The following NOTCH4 variants were observed in gnomAD, a reference collection of about 807,000 sequenced individuals.
NOTCH4 encodes neurogenic locus notch homolog protein 4.
NOTCH4 carries 138 observed loss-of-function variants against 189.0 expected under a neutral mutation model. The ratio of observed to expected loss-of-function variants is 0.73; its 90% CI spans 0.64 to 0.84. The LOEUF (loss-of-function observed/expected upper bound fraction) is 0.84, where lower values mean the gene tolerates loss of function less well. Among genes scored for constraint, NOTCH4 ranks in the 40% least tolerant of loss-of-function variants. NOTCH4 has a pLI of 0.00. For missense variants in NOTCH4, 2,286 were observed against 2,605.4 expected (o/e 0.88, Z 2.67); for synonymous variants, 942 against 1,032.8 (o/e 0.91, Z 1.69).
intron 11 of NOTCH4, chr6:32,216,220 GT>G (rs1561940466): frequency 6.6e-6 from 1 of 152,366 alleles, no homozygotes; most frequent in Non-Finnish European, 1.5e-5. Context: ...TTGAGATGGG[GT>G]TTCACCGTGT....
At position 32,198,737 on chromosome 6, in the gene NOTCH4, A is replaced by AG; in HGVS notation, c.4536-8dup. The stretch of plus-strand genomic sequence containing the variant: ...TGCCTTTGGCTTCAGTGCCCTGGAA[A>AG]GGAATGGGTGGGTAGAGGTTACACG... On this transcript the variant is annotated splice_polypyrimidine_tract_variant and splice_region_variant and intron_variant, in intron 24 of 29. Transcript: ENST00000375023. The surrounding 1 kb of genome is among the most constrained non-coding windows in gnomAD (Gnocchi z 5.5). The AG allele has an allele frequency of 6.2e-7, 1 of 1,608,138 alleles. No homozygotes were observed. The highest frequency in any genetic ancestry group is 1.1e-5 in the South Asian group (1 of 90,266).
At position 32,223,867 on chromosome 6, in the gene NOTCH4, A is replaced by T. The variant is rs1330610305; in HGVS notation, c.62T>A (p.Val21Asp). The change falls in exon 1 of 30, where the codon GTC becomes GAC. Residue 21 changes from valine (V) to aspartate (D), a missense_variant. This residue lies in a region of NOTCH4 where 1,903 missense variants were observed against 2,261.9 expected (regional missense o/e 0.84). Transcript: ENST00000375023. ...ACGCCATGCCTCACCTCTGGGTCTG[A>T]CCACTGAGACACATAGCAGCAGCAG... ...LLLLLLCVSV[V>D]RPRGLLCGSF... The T allele has an allele frequency of 1.9e-6, 3 of 1,603,844 alleles. No individual in the cohort carries two copies. In the Admixed American group the frequency reaches 5.1e-5, roughly 27 times the overall value.
Position 32,196,350 on chromosome 6 carries a change from C to T in NOTCH4, c.5272G>A (p.Ala1758Thr), listed in dbSNP as rs1207411360. The change falls in exon 29 of 30, where the codon GCC becomes ACC. Residue 1758 changes from alanine to threonine, a missense_variant. Ala to Thr is a moderately conservative substitution (Grantham distance 58). Around this residue, in one of 2 missense-constraint regions of NOTCH4, gnomAD observed 1,903 missense variants for 2,261.9 expected, o/e 0.84. Transcript: ENST00000375023. ...CTGTTGTCCTGGGCATCTTTATCGG[C>T]TCCGGCCTGGAGAAGCGAGCGGGCG... Reference protein sequence around the residue: ...RAARSLLQAGADKDAQDNREQ... With the variant: ...RAARSLLQAGTDKDAQDNREQ... The T allele has an allele frequency of 1.2e-6, 2 of 1,613,046 alleles. No homozygotes were observed. The highest frequency in any genetic ancestry group is 2.7e-5 in the African/African-American group (2 of 74,954).
Position 32,222,974 on chromosome 6 carries a change from C to G in NOTCH4, c.155+31G>C, listed in dbSNP as rs200446820. On this transcript the variant is annotated intron_variant, in intron 2 of 29. Transcript: ENST00000375023. ...CCCTGCTCTCCCTCCCCCTTTCTCTCCAGTCTCCCACTCCTGCAAGGCACA... is the reference window on the plus strand; with the variant it reads ...CCCTGCTCTCCCTCCCCCTTTCTCTGCAGTCTCCCACTCCTGCAAGGCACA... 2.2e-3 allele frequency: 3,454 copies of G among 1,599,510 alleles called. 4 individuals carry two copies. The highest frequency in any genetic ancestry group is 6.9e-3 in the African/African-American group (517 of 74,628).
At position 32,219,977 on chromosome 6, in the gene NOTCH4, G is replaced by C. The variant is rs540270309; in HGVS notation, c.1315+152C>G. The C allele has an allele frequency of 5.4e-6, 5 of 924,584 alleles. No homozygotes were observed. The East Asian group carries it at 1.3e-4, about 24-fold the overall frequency. The allele number at this position is 924,584 out of a possible 1,614,324, so 57.3% of individuals were successfully genotyped here. ...GGACTGAGGGGCTGAACATTGGAGA[G>C]AGGGTCATGTAGGCAAGAGATGCCA... On this transcript the variant is annotated intron_variant, in intron 7 of 29. Transcript: ENST00000375023.
Position 32,221,418 on chromosome 6 carries a change from T to C in NOTCH4, c.452-93A>G. On this transcript the variant is annotated intron_variant, in intron 3 of 29. Coordinates refer to ENST00000375023, the MANE Select transcript of NOTCH4 (RefSeq NM_004557.4). The surrounding 1 kb of genome is among the most constrained non-coding windows in gnomAD (Gnocchi z 4.3). Reference sequence around the variant, plus strand: ...GTGCTCACTCTGGATTATCTCTGGGTCTCATTTTCATATTTCCTTCCCTTT... The same window carrying C: ...GTGCTCACTCTGGATTATCTCTGGGCCTCATTTTCATATTTCCTTCCCTTT... The C allele has an allele frequency of 1.1e-6, 1 of 888,080 alleles. No individual in the cohort carries two copies. Among genetic ancestry groups the C allele is most frequent in the Non-Finnish European group, 1.7e-6 (1 of 577,678 alleles). The allele number at this position is 888,080 out of a possible 1,614,324, so 55.0% of individuals were successfully genotyped here.
Position 32,212,744 on chromosome 6 carries a change from G to T in NOTCH4, c.2526+80C>A. On this transcript the variant is annotated intron_variant, in intron 16 of 29. Coordinates refer to ENST00000375023, the MANE Select transcript of NOTCH4 (RefSeq NM_004557.4). The surrounding 1 kb of genome is among the most constrained non-coding windows in gnomAD (Gnocchi z 4.4). ...TTACTTCAAAAACCTTCTCCTGAAT[G>T]GCCTGGGACCAGGTGACCCTCCCTG... 1 of 1,464,532 alleles carries T rather than the reference G, an allele frequency of 6.8e-7. No individual in the cohort carries two copies. Among genetic ancestry groups the T allele is most frequent in the Non-Finnish European group, 9.2e-7 (1 of 1,091,378 alleles). 90.7% of individuals were successfully genotyped at this position (1,464,532 alleles called of 1,614,324 possible). A position where few individuals can be genotyped will look rare whatever the true frequency, so the allele number is the denominator to read the frequency against.
At chr6:32,220,309 C>T (rs779802625) in intron 6 of NOTCH4, 25 bp from the exon 7 acceptor site, 11 of 1,609,292 alleles carry the variant, frequency 6.8e-6, no homozygotes, top group Non-Finnish European at 8.5e-6. Context: ...GGGGGTGAGG[C>T]TCTCAAAGGC....
Position 32,199,114 on chromosome 6 carries a change from C to G in NOTCH4, c.4347G>C (p.Val1449=), listed in dbSNP as rs1788171553. ...APPANQLPWP[V]LCSPVAGVIL... Reference sequence around the variant, plus strand: ...TCACCCCGGCCACTGGGGAGCACAGCACAGGCCAGGGAAGCTGGTTGGCAG... The same window carrying G: ...TCACCCCGGCCACTGGGGAGCACAGGACAGGCCAGGGAAGCTGGTTGGCAG... The change falls in exon 24 of 30, where the codon GTG becomes GTC. Residue 1449 remains valine, a synonymous_variant. Transcript: ENST00000375023. This position sits in a 1 kb window ranked among gnomAD's most constrained non-coding sequence, Gnocchi z 4.9. 1 of 1,609,584 alleles carries G rather than the reference C, an allele frequency of 6.2e-7. No homozygotes were observed. Among genetic ancestry groups the G allele is most frequent in the Non-Finnish European group, 8.5e-7 (1 of 1,178,646 alleles).
At position 32,196,053 on chromosome 6, in the gene NOTCH4, G is replaced by A; in HGVS notation, c.5396C>T (p.Ala1799Val). The change falls in exon 30 of 30, where the codon GCT (alanine) becomes GTT (valine). Residue 1799 changes from alanine to valine, a missense_variant. Ala to Val is a moderately conservative substitution (Grantham distance 64, BLOSUM62 0). Coordinates refer to ENST00000375023, the MANE Select transcript of NOTCH4 (RefSeq NM_004557.4). ...AGCGACGTCCGCCGGCGCTAGCCCA[G>A]CCTGGTCCCGCAGCTCTCGGGCTGC... ...LGAARELRDQAGLAPADVAHQ... is the reference protein window; with the variant it reads ...LGAARELRDQVGLAPADVAHQ... The A allele has an allele frequency of 6.3e-7, 1 of 1,594,108 alleles. No individual in the cohort carries two copies. Among genetic ancestry groups the A allele is most frequent in the South Asian group, 1.1e-5 (1 of 90,128 alleles).
chr6:32,208,672 T>G (rs572795015), intron 18 of NOTCH4, among the ~76,000 whole-genome samples: 3 of 152,158 alleles, frequency 2.0e-5, no homozygotes, highest in Non-Finnish European at 2.9e-5. Flanking sequence ...AGGCAGAGGT[T>G]GCAGTGAGCT....
chr6:32,198,418 T>C lies in NOTCH4; in HGVS notation c.4756+3A>G. On this transcript the variant is annotated splice_donor_region_variant and intron_variant, in intron 26 of 29. Transcript: ENST00000375023. The surrounding 1 kb of genome is among the most constrained non-coding windows in gnomAD (Gnocchi z 5.5). ...TTTTCTTGGTCTGGGTTGACTCACA[T>C]ACCAGGTCCACGGGTGTCCAGGTCA... is the stretch of plus-strand genomic sequence containing the variant. 2 of 1,610,586 alleles carry C rather than the reference T, an allele frequency of 1.2e-6. No individual in the cohort carries two copies. Among genetic ancestry groups the C allele is most frequent in the Non-Finnish European group, 1.7e-6 (2 of 1,179,112 alleles).
chr6:32,197,485 T>A lies in NOTCH4; in HGVS notation c.4866A>T (p.Gly1622=). 1.2e-6 allele frequency: 2 copies of A among 1,600,862 alleles called. No homozygotes were observed. Among genetic ancestry groups the A allele is most frequent in the Non-Finnish European group, 1.7e-6 (2 of 1,173,430 alleles). The part of the protein sequence containing the change: ...CPEPWEPLLD[G]GACPQAHTVG... ...CGGTGTGAGCCTGGGGACAGGCCCC[T>A]CCATCCAGCAGAGGTTCCCAGGGCT... Residue 1622 remains glycine (G), a synonymous_variant, in exon 27 of 30, where the codon GGA becomes GGT. Coordinates refer to ENST00000375023, the MANE Select transcript of NOTCH4 (RefSeq NM_004557.4).
chr6:32,211,410 T>A (rs964356533), intron 17 of NOTCH4, among the ~76,000 whole-genome samples: 1 of 145,990 alleles, frequency 6.8e-6, no homozygotes, highest in African/African-American at 2.6e-5. Context: ...GCCAACATAA[T>A]GAAACCCCAT....
chr6:32,196,501 G>T (rs1314391089), intron 28 of NOTCH4, 80 bp from the exon 29 acceptor site: 9 of 1,547,614 alleles, frequency 5.8e-6, no homozygotes, highest in African/African-American at 2.7e-5. Flanking sequence ...TTCTGGCCTT[G>T]GGGGAAGGGC....
rs1788955416 is a variant in NOTCH4 at position 32,210,730 on chromosome 6, C to G, written c.2865+22G>C. ...CAGCCCACCCTTGTCTTTCCTCCCC[C>G]TTCTCCTGCAGACCCTCTCACCTGG... On this transcript the variant is annotated intron_variant, in intron 18 of 29. Coordinates refer to ENST00000375023, the MANE Select transcript of NOTCH4 (RefSeq NM_004557.4). This position sits in a 1 kb window ranked among gnomAD's most constrained non-coding sequence, Gnocchi z 4.8. 1.2e-6 allele frequency: 2 copies of G among 1,610,658 alleles called. No individual in the cohort carries two copies. Among genetic ancestry groups the G allele is most frequent in the Admixed American group, 1.7e-5 (1 of 59,994 alleles).
In NOTCH4 at chr6:32,219,804, C is replaced by T. The variant is rs773124246; in HGVS notation, c.1316-18G>A. On this transcript the variant is annotated intron_variant, in intron 7 of 29. Transcript: ENST00000375023. Reference sequence around the variant, plus strand: ...TTGCTGGGCTGGGAGGAGAGAAGAGCTGGGAGTCCACAGGGGTCAGGGCAG... The same window carrying T: ...TTGCTGGGCTGGGAGGAGAGAAGAGTTGGGAGTCCACAGGGGTCAGGGCAG... 1.2e-6 allele frequency: 2 copies of T among 1,604,964 alleles called. No individual in the cohort carries two copies. The highest frequency in any genetic ancestry group is 1.7e-6 in the Non-Finnish European group (2 of 1,175,260).
chr6:32,217,127 C>T lies in NOTCH4; in HGVS notation c.1738+26G>A. 10 of 1,612,878 alleles carry T rather than the reference C, an allele frequency of 6.2e-6. No homozygotes were observed. The highest frequency in any genetic ancestry group is 8.5e-6 in the Non-Finnish European group (10 of 1,179,836). ...GATGTCTGCCTCCTGCTCCCGCTGT[C>T]CCCCACAGTGTGTGCCCCAGTTTAC... is the stretch of plus-strand genomic sequence containing the variant. On this transcript the variant is annotated intron_variant, in intron 10 of 29. Transcript: ENST00000375023. This position sits in a 1 kb window ranked among gnomAD's most constrained non-coding sequence, Gnocchi z 4.2.
At chr6:32,207,628 TC>T (rs58773260) in intron 18 of NOTCH4, among the ~76,000 whole-genome samples, 67,050 of 141,956 alleles carry the variant, frequency 0.47, 16,091 homozygotes, top group East Asian at 0.57. Context: ...CAAGACTCTA[TC>T]CCCCCCCCCC....
Sources: allele counts gnomAD v4.1 joint callset (sites outside exome capture counted in the v4.1 genomes callset), GRCh38; gene constraint gnomAD v4.1.1; regional missense constraint gnomAD v4.1.1; non-coding constraint Gnocchi (gnomAD v3.1); transcripts MANE v1.5; gene names NCBI Gene and HGNC (gene_info 2026-07-23, HGNC 2026-07-21).